C14orf39: variants seen among roughly 807,000 people sequenced by gnomAD.
C14orf39 encodes chromosome 14 open reading frame 39, also known as protein SIX6OS1.
A neutral mutation model predicts 85.6 loss-of-function variants in C14orf39; 66 were observed. That is an observed-to-expected ratio of 0.77 (90% CI 0.63 to 0.95). C14orf39 has a LOEUF of 0.95. Ranked by LOEUF, C14orf39 falls within the 40% of genes least tolerant of loss-of-function variation. The pLI is 0.00. For synonymous variants in C14orf39, 242 were observed against 214.0 expected, an observed-to-expected ratio of 1.13 and a Z score of -1.14; for missense variants, 735 against 663.9, an observed-to-expected ratio of 1.11 and a Z score of -1.18.
intron 10 of C14orf39, 137 bp from the exon 11 acceptor site, chr14:60,466,192 T>C (rs1044405425): frequency 1.4e-5 from 6 of 430,230 alleles, no homozygotes; most frequent in Non-Finnish European, 2.4e-5. Context: ...TACGGAATTA[T>C]GAAATTATTT....
chr14:60,457,965 GTA>G (rs1392957970), intron 14 of C14orf39, among the ~76,000 whole-genome samples: 1 of 151,572 alleles, frequency 6.6e-6, no homozygotes, highest in African/African-American at 2.4e-5. Flanking sequence ...ATAACTTTTT[GTA>G]TATGTTTTTT....
In C14orf39 at chr14:60,468,484, T is replaced by G. The variant is rs533474897; in HGVS notation, c.728A>C (p.Lys243Thr). 1,022 of 1,599,220 alleles carry G rather than the reference T, an allele frequency of 6.4e-4. 22 individuals are homozygous for G. In the South Asian group the frequency reaches 0.011, roughly 18 times the overall value. Reference sequence around the variant, plus strand: ...TTTTCTGTTTTCTGTATTTTTGTTCTTTTCTTCCAGAGTTTCTGAAAGAGC... The same window carrying G: ...TTTTCTGTTTTCTGTATTTTTGTTCGTTTCTTCCAGAGTTTCTGAAAGAGC... Reference protein sequence around the residue: ...TKALSETLEEKNKNTENRKEL... With the variant: ...TKALSETLEETNKNTENRKEL... Residue 243 changes from lysine (K) to threonine (T), a missense_variant, in exon 9 of 18, where the codon AAG becomes ACG. Coordinates refer to ENST00000321731, the MANE Select transcript of C14orf39 (RefSeq NM_174978.3).
chr14:60,462,386 G>A (rs1218845357), intron 11 of C14orf39, among the ~76,000 whole-genome samples: 1 of 152,054 alleles, frequency 6.6e-6, no homozygotes, highest in Admixed American at 6.6e-5. Flanking sequence ...GCAAGACTTT[G>A]TCTCAAAAAC....
At chr14:60,442,240 A>G in intron 16 of C14orf39, 109 bp from the exon 17 acceptor site, 3 of 636,518 alleles carry the variant, frequency 4.7e-6, no homozygotes, top group Non-Finnish European at 8.2e-6. Context: ...GAATTAAAGT[A>G]GACATATGGT....
intron 2 of C14orf39, chr14:60,496,134 A>ATG: frequency 5.9e-6 from 3 of 505,844 alleles, no homozygotes; most frequent in Non-Finnish European, 1.2e-5. Flanking sequence ...CTGCTGGAAC[A>ATG]TGTGGCTGTC....
At chr14:60,468,087 T>TA (rs1891884012) in intron 9 of C14orf39, among the ~76,000 whole-genome samples, 1 of 151,566 alleles carries the variant, frequency 6.6e-6, no homozygotes, top group Non-Finnish European at 1.5e-5. Flanking sequence ...GACAGGGTGA[T>TA]AAAAAAGTAA....
At chr14:60,437,140 T>C in intron 17 of C14orf39, 93 bp from the exon 18 acceptor site, 1 of 794,016 alleles carries the variant, frequency 1.3e-6, no homozygotes, top group South Asian at 1.8e-5. Context: ...ACAATAAATA[T>C]GGTAACACTG....
chr14:60,456,796 T>A, intron 15 of C14orf39, 121 bp downstream of exon 15: 2 of 783,628 alleles, frequency 2.6e-6, no homozygotes, highest in South Asian at 4.8e-5. Context: ...CTTCTTTGCA[T>A]GTCTGAAATA....
At chr14:60,503,351 A>T (rs1893169583) in intron 1 of C14orf39, among the ~76,000 whole-genome samples, 1 of 152,228 alleles carries the variant, frequency 6.6e-6, no homozygotes, top group Admixed American at 6.5e-5. Context: ...AGAGTGCACC[A>T]AACTCTGAAA....
chr14:60,471,499 C>A (rs751915109), intron 6 of C14orf39, 40 bp from the exon 7 acceptor site: 9 of 1,574,108 alleles, frequency 5.7e-6, no homozygotes, highest in East Asian at 2.3e-5. Context: ...TTATTATATT[C>A]TTTTCATTAC....
At chr14:60,451,336 T>C (rs1891025729) in intron 16 of C14orf39, among the ~76,000 whole-genome samples, 1 of 152,160 alleles carries the variant, frequency 6.6e-6, no homozygotes. Context: ...ATCCCATTAC[T>C]GGGTATATAC....
At chr14:60,507,188 A>C (rs1443263599) in intron 1 of C14orf39, among the ~76,000 whole-genome samples, 2 of 152,078 alleles carry the variant, frequency 1.3e-5, no homozygotes, top group African/African-American at 4.8e-5. Context: ...AACCACCCCG[A>C]GAGGGAAAAT....
chr14:60,441,932 A>T, intron 17 of C14orf39, 142 bp downstream of exon 17: 1 of 561,234 alleles, frequency 1.8e-6, no homozygotes, highest in Non-Finnish European at 3.2e-6. Flanking sequence ...AAAAAGAAAG[A>T]AAAGAATATC....
chr14:60,464,087 G>A (rs1002980311), intron 11 of C14orf39, among the ~76,000 whole-genome samples: 4 of 152,212 alleles, frequency 2.6e-5, no homozygotes, highest in Middle Eastern at 3.4e-3. Context: ...AATTGTTTAC[G>A]GAGCTTCTAG....
chr14:60,438,024 T>A (rs1025369653), intron 17 of C14orf39, among the ~76,000 whole-genome samples: 1 of 151,788 alleles, frequency 6.6e-6, no homozygotes, highest in African/African-American at 2.4e-5. Flanking sequence ...TAATTTTAAG[T>A]CTATAGTAAT....
Position 60,477,725 on chromosome 14 carries a change from A to G in C14orf39, c.323+575T>C, listed in dbSNP as rs567309457. Among the ~76,000 whole-genome samples, 8 of 152,322 alleles carry G rather than the reference A, an allele frequency of 5.3e-5. 1 individual carries two copies. The East Asian group carries it at 9.6e-4, about 18-fold the overall frequency. On this transcript the variant is annotated intron_variant, in intron 5 of 17. Coordinates refer to ENST00000321731, the MANE Select transcript of C14orf39 (RefSeq NM_174978.3). ...TGTTTGCCTAAACAGTTCACTCATA[A>G]AGACCATTAATTGATGGACTCTGCT...
chr14:60,511,203 C>T (rs1764658554), intron 1 of C14orf39: 1 of 1,613,236 alleles, frequency 6.2e-7, no homozygotes, highest in Non-Finnish European at 8.5e-7. Context: ...AGCAAGGCGG[C>T]CACTTCAGCC....
chr14:60,506,726 A>C (rs181360015), intron 1 of C14orf39, among the ~76,000 whole-genome samples: 1 of 152,064 alleles, frequency 6.6e-6, no homozygotes, highest in African/African-American at 2.4e-5. Flanking sequence ...CAGTGCTCCT[A>C]CTCTGCCACA....
At chr14:60,467,079 T>C (rs1891830128) in intron 9 of C14orf39, 35 bp from the exon 10 acceptor site, 1 of 1,070,110 alleles carries the variant, frequency 9.3e-7, no homozygotes. Context: ...AAATATTAGA[T>C]AAGTTAAAAT....
Sources: gnomAD v4.1 joint callset for allele counts (sites outside exome capture counted in the v4.1 genomes callset) on GRCh38, gnomAD v4.1.1 for gene constraint, MANE v1.5 for transcripts, NCBI Gene and HGNC (gene_info 2026-07-23, HGNC 2026-07-21) for gene names.